Variants in HELZ observed in about 807,000 individuals in gnomAD.
HELZ encodes helicase with zinc finger, also known as ATP-dependent RNA helicase with zinc finger domain.
In HELZ, 23 loss-of-function variants were observed where a neutral mutation model predicts 218.2. That is an observed-to-expected ratio of 0.11 (90% CI 0.08 to 0.15). HELZ has a LOEUF of 0.15. Among genes scored for constraint, HELZ ranks in the 10% least tolerant of loss-of-function variants. The pLI is 1.00. For synonymous variants in HELZ, 814 were observed against 829.4 expected (o/e 0.98, Z 0.32); for missense variants, 1,813 against 2,353.7 (o/e 0.77, Z 4.75).
chr17:67,211,203 C>T (rs551050625), intron 5 of HELZ, among the ~76,000 whole-genome samples: 28 of 151,832 alleles, frequency 1.8e-4, no homozygotes, highest in Admixed American at 3.9e-4. Context: ...ATTTTATAAC[C>T]TTTAATCAGT....
rs866515391 is a variant in HELZ, at chr17:67,078,426, C to G, written c.5655G>C (p.Gln1885His). The change falls in exon 33 of 33, where the codon CAG becomes CAC. Residue 1885 changes from glutamine to histidine, a missense_variant. Physicochemically the swap from Gln to His is conservative, Grantham distance 24 (BLOSUM62 0). Coordinates refer to ENST00000358691, the MANE Select transcript of HELZ (RefSeq NM_014877.4). ...IAESANSSSPQSSAGGKPAMS... is the reference protein window; with the variant it reads ...IAESANSSSPHSSAGGKPAMS... ...TGGCGGGCTTGCCCCCCGCAGAGCTCTGGGGGCTACTGCTATTGGCCGACT... is the reference window on the plus strand; with the variant it reads ...TGGCGGGCTTGCCCCCCGCAGAGCTGTGGGGGCTACTGCTATTGGCCGACT... 1 of 1,596,016 alleles carries G rather than the reference C, an allele frequency of 6.3e-7. No homozygotes were observed. The highest frequency in any genetic ancestry group is 1.4e-5 in the African/African-American group (1 of 73,842).
chr17:67,152,767 T>TAAAAAAA (rs368609592), intron 17 of HELZ, among the ~76,000 whole-genome samples: 2 of 124,858 alleles, frequency 1.6e-5, no homozygotes, highest in Non-Finnish European at 3.3e-5. Context: ...AGAGTAGATT[T>TAAAAAAA]AAAAAAAAAA....
chr17:67,232,057 A>C (rs1193082648), intron 3 of HELZ, among the ~76,000 whole-genome samples: 1 of 142,820 alleles, frequency 7.0e-6, no homozygotes, highest in East Asian at 1.9e-4. Context: ...CATCTCAAAA[A>C]AAAAAAAAAA....
At chr17:67,133,123 T>C (rs1464978923) in intron 23 of HELZ, among the ~76,000 whole-genome samples, 1 of 152,194 alleles carries the variant, frequency 6.6e-6, no homozygotes, top group Non-Finnish European at 1.5e-5. Flanking sequence ...ACAATCAACA[T>C]TGCCATGTAA....
At position 67,212,971 on chromosome 17, in the gene HELZ, A is replaced by C. The variant is rs150654841; in HGVS notation, c.247+2928T>G. On this transcript the variant is annotated intron_variant, in intron 5 of 32. Coordinates refer to ENST00000358691, the MANE Select transcript of HELZ (RefSeq NM_014877.4). ...ACAACTTTATCTTAGGCATCGGTTAAACTTATATTTTAGTGATTCAAAAGT... is the reference window on the plus strand; with the variant it reads ...ACAACTTTATCTTAGGCATCGGTTACACTTATATTTTAGTGATTCAAAAGT... Among the ~76,000 whole-genome samples, 182 of 152,334 alleles carry C rather than the reference A, an allele frequency of 1.2e-3. 2 individuals carry two copies. Among genetic ancestry groups the C allele is most frequent in the East Asian group, 3.7e-3 (19 of 5,186 alleles).
At position 67,070,611 on chromosome 17, in the gene HELZ, G is replaced by A. The variant is rs1177499620; in HGVS notation, c.*7641C>T. 1.3e-5 allele frequency: 2 copies of A among 152,082 alleles called. No individual in the cohort carries two copies. The highest frequency in any genetic ancestry group is 2.9e-5 in the Non-Finnish European group (2 of 68,010). 9.4% of individuals were successfully genotyped at this position (152,082 alleles called of 1,614,324 possible). A position where few individuals can be genotyped will look rare whatever the true frequency, so the allele number is the denominator to read the frequency against. On this transcript the variant is annotated 3_prime_UTR_variant, in exon 33 of 33. Coordinates refer to ENST00000358691, the MANE Select transcript of HELZ (RefSeq NM_014877.4). The stretch of plus-strand genomic sequence containing the variant: ...GTTCTATGGAACCAAAGTAGCTAAC[G>A]TAATTCCAAAACTAAGTTAGAAAAG...
At chr17:67,199,507 C>T (rs900609073) in intron 7 of HELZ, among the ~76,000 whole-genome samples, 3 of 152,184 alleles carry the variant, frequency 2.0e-5, no homozygotes, top group South Asian at 2.1e-4. Context: ...AGCACCGCAC[C>T]GGGACTGTTT....
At chr17:67,134,220 C>T (rs2038074857) in intron 23 of HELZ, among the ~76,000 whole-genome samples, 1 of 152,052 alleles carries the variant, frequency 6.6e-6, no homozygotes, top group Non-Finnish European at 1.5e-5. Context: ...CCCATCTCTT[C>T]CTAAAACACA....
chr17:67,226,375 AATG>A (rs1298439838), intron 3 of HELZ, among the ~76,000 whole-genome samples: 1 of 152,214 alleles, frequency 6.6e-6, no homozygotes, highest in Non-Finnish European at 1.5e-5. Flanking sequence ...AACAGGATAT[AATG>A]ATAACAAATA....
intron 3 of HELZ, among the ~76,000 whole-genome samples, chr17:67,236,576 C>T (rs117465773): frequency 6.6e-6 from 1 of 151,646 alleles, no homozygotes; most frequent in Non-Finnish European, 1.5e-5. Context: ...ATTTTTGCAG[C>T]CTTTCAATAT....
At chr17:67,192,833 T>G (rs1446912440) in intron 9 of HELZ, among the ~76,000 whole-genome samples, 2 of 149,030 alleles carry the variant, frequency 1.3e-5, no homozygotes, top group African/African-American at 5.2e-5. Context: ...AACTGTAACT[T>G]TAATCATTCC....
chr17:67,109,556 T>C lies in HELZ; in HGVS notation c.4049A>G (p.His1350Arg). 1 of 1,614,110 alleles carries C rather than the reference T, an allele frequency of 6.2e-7. No homozygotes were observed. Among genetic ancestry groups the C allele is most frequent in the Non-Finnish European group, 8.5e-7 (1 of 1,180,028 alleles). The change falls in exon 29 of 33, where the codon CAC (histidine) becomes CGC (arginine). Residue 1350 changes from histidine to arginine, a missense_variant. This residue lies in a region of HELZ where 938 missense variants were observed against 1,027.5 expected (regional missense o/e 0.91). Coordinates refer to ENST00000358691, the MANE Select transcript of HELZ (RefSeq NM_014877.4). ...GCGATTAGGGATTGCATACTGTGCG[T>C]GGGGAGCAGGAAGGGGAAGATTTAT... Reference protein sequence around the residue: ...RHINLPLPAPHAQYAIPNRHF... With the variant: ...RHINLPLPAPRAQYAIPNRHF...
chr17:67,198,693 C>T (rs1232445845), intron 7 of HELZ, among the ~76,000 whole-genome samples: 1 of 152,118 alleles, frequency 6.6e-6, no homozygotes, highest in Non-Finnish European at 1.5e-5. Flanking sequence ...GGTCTTTATT[C>T]TCATCCATTA....
chr17:67,124,242 CA>C (rs534633668), intron 24 of HELZ, among the ~76,000 whole-genome samples: 101 of 152,168 alleles, frequency 6.6e-4, no homozygotes, highest in African/African-American at 2.4e-3. Flanking sequence ...TTCTCAGTTT[CA>C]AATTAAGGGT....
chr17:67,095,529 C>T (rs9902775), intron 31 of HELZ, among the ~76,000 whole-genome samples: 41,925 of 152,042 alleles, frequency 0.28, 7,377 homozygotes, highest in East Asian at 0.69. Context: ...ACCTGGGTGA[C>T]GAAGCAAGAC....
Position 67,218,806 on chromosome 17 carries a change from A to T in HELZ, c.-2T>A. 2 of 1,613,828 alleles carry T rather than the reference A, an allele frequency of 1.2e-6. No individual in the cohort carries two copies. The highest frequency in any genetic ancestry group is 1.7e-6 in the Non-Finnish European group (2 of 1,179,750). Reference sequence around the variant, plus strand: ...CTTTTCAGCTCTTCTGTCTTCCATGACTCAGGGACAAAAATCCTACAGACA... The same window carrying T: ...CTTTTCAGCTCTTCTGTCTTCCATGTCTCAGGGACAAAAATCCTACAGACA... On this transcript the variant is annotated 5_prime_UTR_variant, in exon 4 of 33. Transcript: ENST00000358691.
At position 67,145,814 on chromosome 17, in the gene HELZ, G is replaced by C. The variant is rs2038475730; in HGVS notation, c.2698C>G (p.Leu900Val). The C allele has an allele frequency of 6.2e-7, 1 of 1,613,514 alleles. No homozygotes were observed. Among genetic ancestry groups the C allele is most frequent in the Non-Finnish European group, 8.5e-7 (1 of 1,179,564 alleles). The change falls in exon 21 of 33, where the codon CTA (leucine) becomes GTA (valine). Residue 900 changes from leucine to valine, a missense_variant. Leu to Val is a conservative substitution (Grantham distance 32). This residue lies in a region of HELZ where 156 missense variants were observed against 274.4 expected (regional missense o/e 0.57). Transcript: ENST00000358691. ...TCTCCTCGTGCTGTAAAGAAAGTTA[G>C]TGGGTAGAAATCTTTGTGTGCTGGC... ...KQPAHKDFYP[L>V]TFFTARGEDV...
intron 4 of HELZ, among the ~76,000 whole-genome samples, chr17:67,216,390 C>T (rs1408345745): frequency 6.6e-6 from 1 of 152,208 alleles, no homozygotes; most frequent in Non-Finnish European, 1.5e-5. Flanking sequence ...AGGTATGGCA[C>T]TCCAGCAAGC....
At chr17:67,097,544 T>G (rs144733244) in intron 31 of HELZ, among the ~76,000 whole-genome samples, 2 of 152,322 alleles carry the variant, frequency 1.3e-5, no homozygotes, top group African/African-American at 2.4e-5. Flanking sequence ...AGTATTTTCC[T>G]ACCAAGCAAT....
Sources: allele counts gnomAD v4.1 joint callset (sites outside exome capture counted in the v4.1 genomes callset), GRCh38; gene constraint gnomAD v4.1.1; regional missense constraint gnomAD v4.1.1; transcripts MANE v1.5; gene names NCBI Gene and HGNC (gene_info 2026-07-23, HGNC 2026-07-21).